CADM2: variants seen among roughly 807,000 people sequenced by gnomAD.
The protein encoded by CADM2 is cell adhesion molecule 2, also known as immunoglobulin superfamily member 4D.
In CADM2, 12 loss-of-function variants were observed where a neutral mutation model predicts 49.8. That is an observed-to-expected ratio of 0.24 (90% CI 0.15 to 0.39). The LOEUF is 0.39. Ranked by LOEUF, CADM2 falls within the 10% of genes least tolerant of loss-of-function variation. The pLI, the probability that CADM2 is intolerant of heterozygous loss-of-function variation, is 1.00. For synonymous variants in CADM2, 214 were observed against 175.4 expected (o/e 1.22, Z -1.74); for missense variants, 378 against 492.3 (o/e 0.77, Z 2.20).
chr3:85,673,443 A>G (rs116697971), intron 1 of CADM2, among the ~76,000 whole-genome samples: 29 of 151,578 alleles, frequency 1.9e-4, no homozygotes, highest in African/African-American at 6.8e-4. Context: ...CCAAGGTTAT[A>G]GTGTGCTTGC....
chr3:85,260,987 AGTT>A (rs776618027), intron 1 of CADM2, among the ~76,000 whole-genome samples: 1 of 152,018 alleles, frequency 6.6e-6, no homozygotes. Context: ...TGGAAAGAAT[AGTT>A]GTGATTTTTT....
chr3:85,476,983 A>C (rs1369591369), intron 1 of CADM2, among the ~76,000 whole-genome samples: 1 of 149,102 alleles, frequency 6.7e-6, no homozygotes. Flanking sequence ...TCTCTATTGC[A>C]GCATTCAAAA....
chr3:85,727,705 G>A (rs2029051), intron 2 of CADM2, among the ~76,000 whole-genome samples: 3 of 151,962 alleles, frequency 2.0e-5, no homozygotes, highest in Admixed American at 2.0e-4. Flanking sequence ...CACTGCACCA[G>A]CTCCAGGGTA....
At chr3:85,665,309 T>C (rs1054773255) in intron 1 of CADM2, among the ~76,000 whole-genome samples, 1 of 151,914 alleles carries the variant, frequency 6.6e-6, no homozygotes, top group Non-Finnish European at 1.5e-5. Context: ...TTAATACATC[T>C]CCAACTTTAT....
intron 8 of CADM2, among the ~76,000 whole-genome samples, chr3:86,054,082 T>C (rs1737640635): frequency 6.6e-6 from 1 of 152,024 alleles, no homozygotes. Flanking sequence ...AGTTACTTCC[T>C]ATTTGAACAT....
intron 1 of CADM2, among the ~76,000 whole-genome samples, chr3:85,295,036 A>G (rs2043917936): frequency 6.6e-6 from 1 of 152,114 alleles, no homozygotes; most frequent in Non-Finnish European, 1.5e-5. Flanking sequence ...TTCACAACCT[A>G]CTCATCTGAC....
At chr3:85,608,215 T>G (rs1352424706) in intron 1 of CADM2, among the ~76,000 whole-genome samples, 4 of 152,160 alleles carry the variant, frequency 2.6e-5, no homozygotes, top group Non-Finnish European at 4.4e-5. Flanking sequence ...AAATAAAATT[T>G]AAATCTTTAA....
intron 1 of CADM2, among the ~76,000 whole-genome samples, chr3:85,589,546 G>A (rs1050946642): frequency 6.6e-6 from 1 of 151,914 alleles, no homozygotes. Context: ...CTGGTCTAAC[G>A]CAGGCCTTAT....
chr3:85,250,550 A>C (rs971623136), intron 1 of CADM2, among the ~76,000 whole-genome samples: 5 of 151,626 alleles, frequency 3.3e-5, no homozygotes, highest in African/African-American at 1.2e-4. Context: ...AATGTATACT[A>C]GGTATTTGCA....
intron 7 of CADM2, among the ~76,000 whole-genome samples, chr3:85,960,744 G>A (rs796121394): frequency 4.0e-5 from 6 of 151,770 alleles, no homozygotes; most frequent in African/African-American, 1.4e-4. Flanking sequence ...TTGAGATAGG[G>A]CTCCTTTGCA....
chr3:85,649,817 A>G (rs1279510257), intron 1 of CADM2, among the ~76,000 whole-genome samples: 1 of 152,072 alleles, frequency 6.6e-6, no homozygotes, highest in Non-Finnish European at 1.5e-5. Flanking sequence ...ATTCGTTTTC[A>G]TTTGGTCAGG....
chr3:85,781,695 C>G (rs1207732230), intron 2 of CADM2, among the ~76,000 whole-genome samples: 2 of 152,146 alleles, frequency 1.3e-5, no homozygotes, highest in African/African-American at 4.8e-5. Context: ...GCACAGCTTG[C>G]AAATAATACT....
intron 1 of CADM2, among the ~76,000 whole-genome samples, chr3:85,443,972 A>G (rs2037326985): frequency 6.6e-6 from 1 of 151,974 alleles, no homozygotes; most frequent in South Asian, 2.1e-4. Context: ...CCATTCCACT[A>G]TCTCATTCCT....
In CADM2 at chr3:85,777,126, G is replaced by T. The variant is rs116367755; in HGVS notation, c.89-24921G>T. 2.3e-3 allele frequency among the ~76,000 whole-genome samples: 342 copies of T among 151,620 alleles called. 1 individual carries two copies. The highest frequency in any genetic ancestry group is 4.1e-3 in the Non-Finnish European group (277 of 67,884). On this transcript the variant is annotated intron_variant, in intron 2 of 9. Coordinates refer to ENST00000383699, the MANE Select transcript of CADM2 (RefSeq NM_001167675.2). Reference sequence around the variant, plus strand: ...CTTTCTCTTACTTTCATCTACTTATGCAAATTTTTCATTTTGTATTTCAGC... The same window carrying T: ...CTTTCTCTTACTTTCATCTACTTATTCAAATTTTTCATTTTGTATTTCAGC...
At chr3:85,741,954 T>G (rs1393809715) in intron 2 of CADM2, among the ~76,000 whole-genome samples, 1 of 152,200 alleles carries the variant, frequency 6.6e-6, no homozygotes, top group Non-Finnish European at 1.5e-5. Flanking sequence ...TTTATAGCTT[T>G]TACTTCTTTA....
At chr3:85,854,020 C>A (rs1394109161) in intron 3 of CADM2, among the ~76,000 whole-genome samples, 3 of 152,146 alleles carry the variant, frequency 2.0e-5, no homozygotes, top group African/African-American at 4.8e-5. Flanking sequence ...GTAAAGGAGA[C>A]AGATGCATAC....
chr3:85,261,225 C>T (rs1389312809), intron 1 of CADM2, among the ~76,000 whole-genome samples: 2 of 152,070 alleles, frequency 1.3e-5, no homozygotes, highest in African/African-American at 2.4e-5. Context: ...CAACCTCTGC[C>T]GCCTGGGTTC....
intron 1 of CADM2, among the ~76,000 whole-genome samples, chr3:85,388,293 G>T (rs2034346883): frequency 6.6e-6 from 1 of 152,170 alleles, no homozygotes; most frequent in Admixed American, 6.5e-5. Context: ...AAGAAGAAAA[G>T]AAATCATAGG....
intron 1 of CADM2, among the ~76,000 whole-genome samples, chr3:85,401,671 C>T (rs193226629): frequency 6.6e-6 from 1 of 152,258 alleles, no homozygotes; most frequent in East Asian, 1.9e-4. Context: ...ATCTGGGTCT[C>T]TTAGTTTACA....
Sources: gnomAD v4.1 joint callset for allele counts (sites outside exome capture counted in the v4.1 genomes callset) on GRCh38, gnomAD v4.1.1 for gene constraint, MANE v1.5 for transcripts, NCBI Gene and HGNC (gene_info 2026-07-23, HGNC 2026-07-21) for gene names.